CFAP97D2: variants seen among roughly 807,000 people sequenced by gnomAD.
CFAP97D2 encodes the protein CFAP97 domain containing 2, also known as uncharacterized protein CFAP97D2.
chr13:114,182,418 C>G (rs1210541205), intron 1 of CFAP97D2, among the ~76,000 whole-genome samples: 18 of 151,996 alleles, frequency 1.2e-4, no homozygotes, highest in Non-Finnish European at 2.5e-4. Flanking sequence ...AGGCAGGAGA[C>G]AGTGGCCTTC....
At chr13:114,191,804 TTGC>T (rs1274530723) in intron 1 of CFAP97D2, among the ~76,000 whole-genome samples, 1 of 152,162 alleles carries the variant, frequency 6.6e-6, no homozygotes, top group African/African-American at 2.4e-5. Flanking sequence ...TTATTCATAA[TTGC>T]CTAAACTTGG....
rs183160615 is a variant in CFAP97D2 at position 114,192,262 on chromosome 13, G to A, written c.91-4134G>A. Among the ~76,000 whole-genome samples, 39 of 152,184 alleles carry A rather than the reference G, an allele frequency of 2.6e-4. 1 individual carries two copies. Among genetic ancestry groups the A allele is most frequent in the Admixed American group, 2.2e-3 (33 of 15,284 alleles). On this transcript the variant is annotated intron_variant, in intron 1 of 4. Transcript: ENST00000646158. ...TATGATGTGTCAATGTAGGTTCATC[G>A]ATTGTAACAAACATACCACTCTGGA...
intron 3 of CFAP97D2, among the ~76,000 whole-genome samples, chr13:114,206,261 C>A (rs2080939873): frequency 1.3e-5 from 2 of 152,174 alleles, no homozygotes; most frequent in African/African-American, 4.8e-5. Context: ...TGCCACCACA[C>A]CTGGCTAATT....
At chr13:114,182,461 T>G (rs9562133) in intron 1 of CFAP97D2, among the ~76,000 whole-genome samples, 21,990 of 149,608 alleles carry the variant, frequency 0.15, 2,628 homozygotes, top group East Asian at 0.45. Context: ...CTTCCTCTTT[T>G]ACTAATCCAC....
rs542488928 is a variant in CFAP97D2 at position 114,222,156 on chromosome 13, CAA to C, written c.481-340_481-339del. 2.9e-3 allele frequency among the ~76,000 whole-genome samples: 434 copies of C among 152,092 alleles called. No individual in the cohort carries two copies. Among genetic ancestry groups the C allele is most frequent in the African/African-American group, 9.6e-3 (400 of 41,486 alleles). On this transcript the variant is annotated intron_variant, in intron 4 of 4. Coordinates refer to ENST00000646158, the Ensembl canonical transcript of CFAP97D2. The surrounding 1 kb of genome is among the most constrained non-coding windows in gnomAD (Gnocchi z 4.4). Reference sequence around the variant, plus strand: ...ATGAAATGTCCAGAATAGGCACATTCAAAGAGACAAAAAGTAATCAGTGGTTG... The same window carrying C: ...ATGAAATGTCCAGAATAGGCACATTCAGAGACAAAAAGTAATCAGTGGTTG...
intron 1 of CFAP97D2, among the ~76,000 whole-genome samples, chr13:114,180,595 T>C (rs2080828667): frequency 6.6e-6 from 1 of 152,186 alleles, no homozygotes; most frequent in South Asian, 2.1e-4. Flanking sequence ...ATTACTTGTG[T>C]TGTTTTCCCC....
chr13:114,214,582 T>TTTTGTTTGTTTGTTTG (rs10636230), intron 4 of CFAP97D2, among the ~76,000 whole-genome samples: 5,856 of 150,970 alleles, frequency 0.039, 183 homozygotes, highest in African/African-American at 0.08. Context: ...ATATTTGAGG[T>TTTTGTTTGTTTGTTTG]TTTGTTTGTT....
intron 3 of CFAP97D2, 124 bp downstream of exon 3, chr13:114,200,567 A>C: frequency 2.5e-6 from 1 of 392,176 alleles, no homozygotes; most frequent in Non-Finnish European, 4.5e-6. Flanking sequence ...CCTCTCCCGA[A>C]AACAGCCACA....
At chr13:114,179,279 A>G (rs189301718), upstream of CFAP97D2, 21 of 398,610 alleles carry the variant, frequency 5.3e-5, no homozygotes, top group East Asian at 5.7e-4. This position sits in a 1 kb window ranked among gnomAD's most constrained non-coding sequence, Gnocchi z 4.8. Context: ...GGTCTGCACC[A>G]GGCCCCAGCT....
In CFAP97D2 at chr13:114,207,836, A is replaced by G. The variant is rs1271236588; in HGVS notation, c.291-4076A>G. On this transcript the variant is annotated intron_variant, in intron 3 of 4. Coordinates refer to ENST00000646158, the Ensembl canonical transcript of CFAP97D2. The surrounding 1 kb of genome is among the most constrained non-coding windows in gnomAD (Gnocchi z 4.9). ...CACCATTTTTTTCCCTAGAGAGGCT[A>G]TGTGGTGGCTTTTAATCCCATTTTG... Among the ~76,000 whole-genome samples the G allele has an allele frequency of 1.3e-5, 2 of 152,204 alleles. No homozygotes were observed. The highest frequency in any genetic ancestry group is 2.9e-5 in the Non-Finnish European group (2 of 68,040).
chr13:114,184,942 T>G (rs546065027), intron 1 of CFAP97D2, among the ~76,000 whole-genome samples: 1 of 152,258 alleles, frequency 6.6e-6, no homozygotes, highest in Admixed American at 6.5e-5. Context: ...GTGATACACA[T>G]ACACCTGCTT....
In CFAP97D2 at chr13:114,211,510, C is replaced by T. The variant is rs1594521330; in HGVS notation, c.291-402C>T. Reference sequence around the variant, plus strand: ...TGGGCGCCTGGGTGCTTGCCCTCCCCGCCTGGGACCCTGCTCTCCGCCATG... The same window carrying T: ...TGGGCGCCTGGGTGCTTGCCCTCCCTGCCTGGGACCCTGCTCTCCGCCATG... On this transcript the variant is annotated intron_variant, in intron 3 of 4. Transcript: ENST00000646158. The surrounding 1 kb of genome is among the most constrained non-coding windows in gnomAD (Gnocchi z 4.2). Among the ~76,000 whole-genome samples, 1 of 152,070 alleles carries T rather than the reference C, an allele frequency of 6.6e-6. No individual in the cohort carries two copies. Among genetic ancestry groups the T allele is most frequent in the African/African-American group, 2.4e-5 (1 of 41,402 alleles).
intron 1 of CFAP97D2, among the ~76,000 whole-genome samples, chr13:114,193,207 C>T (rs1409852944): frequency 6.6e-6 from 1 of 151,742 alleles, no homozygotes; most frequent in Non-Finnish European, 1.5e-5. Context: ...TGGAAAAAAA[C>T]AAAACAATCA....
rs2080825534 is a variant in CFAP97D2, at chr13:114,179,625, TC to T, written c.90+206del. Among the ~76,000 whole-genome samples the T allele has an allele frequency of 3.3e-5, 5 of 152,060 alleles. No individual in the cohort carries two copies. The highest frequency in any genetic ancestry group is 2.6e-4 in the Admixed American group (4 of 15,248). On this transcript the variant is annotated intron_variant, in intron 1 of 4. Transcript: ENST00000646158. The surrounding 1 kb of genome is among the most constrained non-coding windows in gnomAD (Gnocchi z 4.8). The stretch of plus-strand genomic sequence containing the variant: ...TAAATAGTTGACGGCTTTCTTTCTT[TC>T]TTTTTTTTTTTTGAGATGACAGCTT...
At chr13:114,202,514 G>T (rs961138599) in intron 3 of CFAP97D2, among the ~76,000 whole-genome samples, 4 of 152,200 alleles carry the variant, frequency 2.6e-5, no homozygotes, top group African/African-American at 2.4e-5. Context: ...AATGTCCCTG[G>T]TATATGAGCT....
intron 4 of CFAP97D2, among the ~76,000 whole-genome samples, chr13:114,217,703 A>G (rs1487098599): frequency 6.6e-6 from 1 of 152,244 alleles, no homozygotes; most frequent in African/African-American, 2.4e-5. Context: ...CATCCCTGGG[A>G]TGCAAGCCTG....
At chr13:114,218,533 G>A (rs2081005915) in intron 4 of CFAP97D2, among the ~76,000 whole-genome samples, 1 of 152,214 alleles carries the variant, frequency 6.6e-6, no homozygotes, top group African/African-American at 2.4e-5. Flanking sequence ...CTACTTTGAA[G>A]TTCATATGGA....
At chr13:114,180,472 T>G (rs979389729) in intron 1 of CFAP97D2, among the ~76,000 whole-genome samples, 10 of 152,144 alleles carry the variant, frequency 6.6e-5, no homozygotes, top group African/African-American at 2.2e-4. Flanking sequence ...CAACCTCACT[T>G]CCTGGCACTC....
intron 1 of CFAP97D2, among the ~76,000 whole-genome samples, chr13:114,182,500 G>C (rs943033515): frequency 2.6e-5 from 4 of 151,706 alleles, no homozygotes; most frequent in Non-Finnish European, 5.9e-5. Context: ...CCGGTGTCGG[G>C]CTGGGGTACA....
Sources: gnomAD v4.1 joint callset for allele counts (sites outside exome capture counted in the v4.1 genomes callset) on GRCh38, gnomAD v4.1.1 for gene constraint, Gnocchi (gnomAD v3.1) non-coding constraint, MANE v1.5 for transcripts, NCBI Gene and HGNC (gene_info 2026-07-23, HGNC 2026-07-21) for gene names.